Variants in PTPN9 observed in about 807,000 individuals in gnomAD.
The protein encoded by PTPN9 is protein tyrosine phosphatase non-receptor type 9.
PTPN9 carries 26 observed loss-of-function variants against 69.8 expected under a neutral mutation model. The ratio of observed to expected loss-of-function variants is 0.37; its 90% CI spans 0.27 to 0.52. The LOEUF (loss-of-function observed/expected upper bound fraction) is 0.52. Among genes scored for constraint, PTPN9 ranks in the 20% least tolerant of loss-of-function variants. The pLI is 0.91. For missense variants in PTPN9, 549 were observed against 740.3 expected, an observed-to-expected ratio of 0.74 and a Z score of 3.00; for synonymous variants, 274 against 272.5, an observed-to-expected ratio of 1.01 and a Z score of -0.05.
At chr15:75,569,297 A>T (rs2075138902) in intron 1 of PTPN9, among the ~76,000 whole-genome samples, 1 of 152,178 alleles carries the variant, frequency 6.6e-6, no homozygotes, top group Non-Finnish European at 1.5e-5. Flanking sequence ...TTAGAAAATA[A>T]AGTTTAAGTA....
Position 75,479,909 on chromosome 15 carries a change from A to G in PTPN9, c.1068T>C (p.Asp356=), listed in dbSNP as rs1326716222. Residue 356 remains aspartate (D), a synonymous_variant, in exon 9 of 13, where the codon GAT becomes GAC. Coordinates refer to ENST00000618819, the MANE Select transcript of PTPN9 (RefSeq NM_002833.4). ...CATCCATGAAACTGGCATTGATGTA[A>G]TCTGTCTAATGATAAAAAGGAGACA... is the stretch of plus-strand genomic sequence containing the variant. The part of the protein sequence containing the change: ...LTKRSGHTQT[D]YINASFMDGY... The G allele has an allele frequency of 3.7e-6, 6 of 1,604,574 alleles. No individual in the cohort carries two copies. The highest frequency in any genetic ancestry group is 5.1e-6 in the Non-Finnish European group (6 of 1,173,500).
At chr15:75,528,129 C>T (rs1292533869) in intron 1 of PTPN9, among the ~76,000 whole-genome samples, 1 of 152,088 alleles carries the variant, frequency 6.6e-6, no homozygotes, top group East Asian at 1.9e-4. Flanking sequence ...TATGGCAACC[C>T]CAAAACTGGA....
chr15:75,513,216 T>C (rs774927881), intron 5 of PTPN9: 5 of 452,212 alleles, frequency 1.1e-5, no homozygotes, highest in South Asian at 7.8e-5. Flanking sequence ...ATTTATCATT[T>C]TGTGGAAATA....
At chr15:75,533,741 C>G (rs189290285) in intron 1 of PTPN9, among the ~76,000 whole-genome samples, 21 of 152,240 alleles carry the variant, frequency 1.4e-4, no homozygotes, top group African/African-American at 4.6e-4. Flanking sequence ...ACACCCTGGA[C>G]ACAATTCATT....
intron 4 of PTPN9, among the ~76,000 whole-genome samples, chr15:75,519,447 C>T (rs112476959): frequency 2.0e-5 from 3 of 151,960 alleles, no homozygotes; most frequent in African/African-American, 7.2e-5. Context: ...CCAGCACCTC[C>T]TGGGAACCTC....
intron 4 of PTPN9, 39 bp downstream of exon 4, chr15:75,523,082 C>A (rs1475744365): frequency 4.4e-6 from 7 of 1,603,378 alleles, no homozygotes; most frequent in Non-Finnish European, 6.0e-6. Context: ...ACTTTCCTAC[C>A]TGCATGTAGA....
chr15:75,476,361 C>G (rs1038453985), intron 9 of PTPN9, among the ~76,000 whole-genome samples: 3 of 151,966 alleles, frequency 2.0e-5, no homozygotes, highest in African/African-American at 7.3e-5. Flanking sequence ...GTCGCCCAGG[C>G]TGGAGTGCAG....
At chr15:75,482,591 AGAG>A (rs1330518020) in intron 8 of PTPN9, among the ~76,000 whole-genome samples, 4 of 131,840 alleles carry the variant, frequency 3.0e-5, no homozygotes, top group Non-Finnish European at 4.8e-5. Flanking sequence ...AAAAAAAAAA[AGAG>A]TCATCACCAA....
intron 10 of PTPN9, among the ~76,000 whole-genome samples, chr15:75,473,231 C>T (rs1290836864): frequency 6.6e-6 from 1 of 152,038 alleles, no homozygotes; most frequent in East Asian, 1.9e-4. Flanking sequence ...AATCTTTGCC[C>T]TGGCTTTCCT....
intron 6 of PTPN9, among the ~76,000 whole-genome samples, chr15:75,506,493 A>G (rs2074820341): frequency 2.6e-5 from 4 of 152,160 alleles, no homozygotes. Context: ...GAGGCAGGGT[A>G]GCCCAGGAAA....
chr15:75,480,312 T>C (rs2074621374), intron 8 of PTPN9, among the ~76,000 whole-genome samples: 1 of 152,110 alleles, frequency 6.6e-6, no homozygotes, highest in Non-Finnish European at 1.5e-5. Flanking sequence ...TATATTAAAA[T>C]TAAAAACTTA....
intron 11 of PTPN9, among the ~76,000 whole-genome samples, chr15:75,470,231 A>T (rs536816624): frequency 6.6e-6 from 1 of 152,318 alleles, no homozygotes; most frequent in East Asian, 1.9e-4. Flanking sequence ...TTGAGACAGG[A>T]TCTCACTCTG....
chr15:75,530,542 ATATTATAATATATTATATATTATTATAT>A, intron 1 of PTPN9, among the ~76,000 whole-genome samples: 1 of 38,512 alleles, frequency 2.6e-5, no homozygotes, highest in African/African-American at 2.1e-4. Flanking sequence ...TAATATTATT[ATATTATAATATATTATATATTATTATAT>A]TATAATATAC....
intron 1 of PTPN9, among the ~76,000 whole-genome samples, chr15:75,536,025 T>C (rs146995266): frequency 6.6e-6 from 1 of 152,340 alleles, no homozygotes; most frequent in African/African-American, 2.4e-5. Context: ...AAAGAGATAA[T>C]GCTTTCTTAA....
intron 1 of PTPN9, among the ~76,000 whole-genome samples, chr15:75,548,634 C>T: frequency 1.3e-5 from 2 of 150,204 alleles, no homozygotes; most frequent in African/African-American, 2.4e-5. Flanking sequence ...TTGTTTTTTC[C>T]TTTAGAGACA....
At chr15:75,500,847 A>C (rs2141305813) in intron 7 of PTPN9, among the ~76,000 whole-genome samples, 1 of 152,218 alleles carries the variant, frequency 6.6e-6, no homozygotes, top group African/African-American at 2.4e-5. Flanking sequence ...TGATCATGCC[A>C]CTATGCGCCA....
intron 5 of PTPN9, among the ~76,000 whole-genome samples, chr15:75,515,023 C>G (rs1391839154): frequency 1.3e-5 from 2 of 152,154 alleles, no homozygotes; most frequent in African/African-American, 4.8e-5. Context: ...TAGGACCCAA[C>G]AATCTACTCC....
chr15:75,502,622 G>T (rs1215739584), intron 7 of PTPN9, among the ~76,000 whole-genome samples: 1 of 152,052 alleles, frequency 6.6e-6, no homozygotes, highest in Non-Finnish European at 1.5e-5. Flanking sequence ...GATAGGATTT[G>T]AGTAGAATGA....
chr15:75,504,624 C>T (rs1438657285), intron 7 of PTPN9, among the ~76,000 whole-genome samples: 3 of 134,860 alleles, frequency 2.2e-5, no homozygotes, highest in Non-Finnish European at 3.2e-5. Context: ...CCAGCCGCCC[C>T]GTCTGGGAGG....
Sources: gnomAD v4.1 joint callset for allele counts (sites outside exome capture counted in the v4.1 genomes callset) on GRCh38, gnomAD v4.1.1 for gene constraint, MANE v1.5 for transcripts, NCBI Gene and HGNC (gene_info 2026-07-23, HGNC 2026-07-21) for gene names.